Variants in NLGN1 observed in about 807,000 individuals in gnomAD.
The protein encoded by NLGN1 is neuroligin 1.
NLGN1 carries 12 observed loss-of-function variants against 65.5 expected under a neutral mutation model. That is an observed-to-expected ratio of 0.18 (90% confidence interval 0.12 to 0.30). The LOEUF is 0.30. NLGN1 is among the 10% of genes least tolerant of loss of function. The probability of loss-of-function intolerance (pLI) is 1.00; values close to 1 mark genes in which losing one functional copy is unlikely to be tolerated. For missense variants in NLGN1, 750 were observed against 1,007.1 expected, an observed-to-expected ratio of 0.74 and a Z score of 3.46; for synonymous variants, 350 against 359.5, an observed-to-expected ratio of 0.97 and a Z score of 0.30.
At chr3:174,032,979 C>CGT (rs1730331195) in intron 4 of NLGN1, among the ~76,000 whole-genome samples, 1 of 132,094 alleles carries the variant, frequency 7.6e-6, no homozygotes, top group South Asian at 2.4e-4. Context: ...ATATTTAGGT[C>CGT]ATATATATAG....
chr3:174,208,664 GA>G (rs35797766), intron 4 of NLGN1, among the ~76,000 whole-genome samples: 6,271 of 144,194 alleles, frequency 0.043, 340 homozygotes, highest in African/African-American at 0.13. Context: ...CCATTATAGG[GA>G]AAAAAAAAAA....
intron 2 of NLGN1, among the ~76,000 whole-genome samples, chr3:173,566,697 T>A (rs1559977698): frequency 6.6e-6 from 1 of 152,122 alleles, no homozygotes; most frequent in African/African-American, 2.4e-5. Flanking sequence ...GCTTCAGCAC[T>A]TATCATGTTG....
At chr3:173,690,632 A>G (rs1294443543) in intron 3 of NLGN1, among the ~76,000 whole-genome samples, 2 of 152,198 alleles carry the variant, frequency 1.3e-5, no homozygotes, top group Non-Finnish European at 2.9e-5. Flanking sequence ...CAGATTCCGT[A>G]GAAGCTCTTA....
chr3:173,642,276 A>G (rs1168715493), intron 3 of NLGN1, among the ~76,000 whole-genome samples: 3 of 152,150 alleles, frequency 2.0e-5, no homozygotes, highest in Non-Finnish European at 4.4e-5. Flanking sequence ...CAACTCTCCC[A>G]ATTTATTGCC....
At chr3:174,235,468 A>G (rs1741537968) in intron 4 of NLGN1, among the ~76,000 whole-genome samples, 1 of 152,170 alleles carries the variant, frequency 6.6e-6, no homozygotes, top group African/African-American at 2.4e-5. Flanking sequence ...GTGTGAGATA[A>G]TGTGATTCTA....
At chr3:173,666,027 G>A (rs572087345) in intron 3 of NLGN1, among the ~76,000 whole-genome samples, 6 of 152,230 alleles carry the variant, frequency 3.9e-5, no homozygotes, top group African/African-American at 1.4e-4. Flanking sequence ...GGCATCTAAT[G>A]GGTGAATTCA....
At chr3:173,696,449 T>C (rs1475394616) in intron 3 of NLGN1, among the ~76,000 whole-genome samples, 1 of 152,192 alleles carries the variant, frequency 6.6e-6, no homozygotes, top group African/African-American at 2.4e-5. Context: ...TTCTAAACCT[T>C]GAAAAGGGAC....
chr3:173,954,541 T>C lies in NLGN1; in HGVS notation c.646+146709T>C, dbSNP rs541790189. Among the ~76,000 whole-genome samples the C allele has an allele frequency of 3.9e-5, 6 of 152,280 alleles. No individual in the cohort carries two copies. The South Asian group carries it at 1.2e-3, about 32-fold the overall frequency. ...GAAGTGGAATCAGCATTTCACAATG[T>C]CTGCCAACCATTTCAAATGTCACTT... is the stretch of plus-strand genomic sequence containing the variant. On this transcript the variant is annotated intron_variant, in intron 4 of 6. Coordinates refer to ENST00000457714, the Ensembl canonical transcript of NLGN1.
At chr3:174,255,872 T>G (rs1745657361) in intron 4 of NLGN1, among the ~76,000 whole-genome samples, 1 of 152,072 alleles carries the variant, frequency 6.6e-6, no homozygotes, top group African/African-American at 2.4e-5. Flanking sequence ...TTACCCAGGC[T>G]GGTCTCAAAC....
At chr3:173,486,087 C>G (rs190721402) in intron 2 of NLGN1, among the ~76,000 whole-genome samples, 1 of 152,162 alleles carries the variant, frequency 6.6e-6, no homozygotes, top group East Asian at 1.9e-4. Context: ...CTCTGCTGCC[C>G]AGGCTGCAGT....
At chr3:173,996,622 A>T (rs79090956) in intron 4 of NLGN1, among the ~76,000 whole-genome samples, 1 of 152,174 alleles carries the variant, frequency 6.6e-6, no homozygotes, top group Non-Finnish European at 1.5e-5. Flanking sequence ...CGTTTTACAC[A>T]CTAACACCAA....
At chr3:173,841,260 T>A (rs1393311836) in intron 4 of NLGN1, among the ~76,000 whole-genome samples, 1 of 152,164 alleles carries the variant, frequency 6.6e-6, no homozygotes, top group African/African-American at 2.4e-5. Context: ...AGTTTATACA[T>A]TTTCCCCAAA....
chr3:173,711,420 G>A (rs1412689595), intron 3 of NLGN1, among the ~76,000 whole-genome samples: 1 of 152,106 alleles, frequency 6.6e-6, no homozygotes, highest in African/African-American at 2.4e-5. Context: ...GACTATTAAA[G>A]CTACCACCTG....
intron 2 of NLGN1, among the ~76,000 whole-genome samples, chr3:173,450,130 G>A (rs144883598): frequency 0.02 from 3,098 of 152,244 alleles, 102 homozygotes; most frequent in African/African-American, 0.071. Flanking sequence ...TATTTTGCTC[G>A]TTAGTTGATG....
intron 4 of NLGN1, among the ~76,000 whole-genome samples, chr3:174,028,093 C>T (rs1431682849): frequency 6.6e-6 from 1 of 152,074 alleles, no homozygotes; most frequent in African/African-American, 2.4e-5. Flanking sequence ...GTGAGGTCTC[C>T]CCAGCCATGT....
At chr3:174,086,253 G>T (rs1339660082) in intron 4 of NLGN1, among the ~76,000 whole-genome samples, 1 of 141,548 alleles carries the variant, frequency 7.1e-6, no homozygotes, top group Non-Finnish European at 1.6e-5. Context: ...TTATGTATGT[G>T]CATACATATA....
chr3:173,698,478 G>A (rs574551577), intron 3 of NLGN1, among the ~76,000 whole-genome samples: 4 of 152,208 alleles, frequency 2.6e-5, no homozygotes, highest in South Asian at 2.1e-4. Flanking sequence ...TGGAACAACC[G>A]TATTCCCTTT....
intron 2 of NLGN1, among the ~76,000 whole-genome samples, chr3:173,553,219 A>C (rs886796372): frequency 6.6e-6 from 1 of 152,166 alleles, no homozygotes; most frequent in Non-Finnish European, 1.5e-5. Flanking sequence ...ATAAATCTGG[A>C]TAAAAAGATA....
intron 4 of NLGN1, among the ~76,000 whole-genome samples, chr3:173,884,001 AC>A (rs1383537567): frequency 6.6e-6 from 1 of 151,210 alleles, no homozygotes; most frequent in East Asian, 1.9e-4. Flanking sequence ...CCCTTTGAAT[AC>A]GTATTTACCT....
Sources: allele counts gnomAD v4.1 joint callset (sites outside exome capture counted in the v4.1 genomes callset), GRCh38; gene constraint gnomAD v4.1.1; transcripts MANE v1.5; gene names NCBI Gene and HGNC (gene_info 2026-07-23, HGNC 2026-07-21).